The following RALGAPA2 variants were observed in gnomAD, a reference collection of about 807,000 sequenced individuals.
The protein encoded by RALGAPA2 is ral GTPase-activating protein subunit alpha-2.
Under a neutral mutation model 230.4 loss-of-function variants are expected in RALGAPA2, and 139 were observed. The ratio of observed to expected loss-of-function variants is 0.60; its 90% CI spans 0.53 to 0.69. RALGAPA2 has a LOEUF of 0.69. Ranked by LOEUF, RALGAPA2 falls within the 30% of genes least tolerant of loss-of-function variation. The pLI is 0.00. For missense variants in RALGAPA2, 2,163 were observed against 2,276.0 expected, an observed-to-expected ratio of 0.95 and a Z score of 1.01; for synonymous variants, 847 against 837.8, an observed-to-expected ratio of 1.01 and a Z score of -0.19.
chr20:20,428,323 G>A (rs984685499), intron 37 of RALGAPA2, among the ~76,000 whole-genome samples: 2 of 151,916 alleles, frequency 1.3e-5, no homozygotes, highest in Non-Finnish European at 2.9e-5. Context: ...TATCATCTTC[G>A]TGACTAAAAA....
At chr20:20,473,756 T>C (rs575371926) in intron 36 of RALGAPA2, among the ~76,000 whole-genome samples, 1 of 152,326 alleles carries the variant, frequency 6.6e-6, no homozygotes, top group South Asian at 2.1e-4. Flanking sequence ...CTCTCCTTTT[T>C]CCCCCATTAG....
intron 24 of RALGAPA2, among the ~76,000 whole-genome samples, chr20:20,537,374 C>T (rs1018134410): frequency 6.6e-6 from 1 of 151,992 alleles, no homozygotes; most frequent in Non-Finnish European, 1.5e-5. Flanking sequence ...AATCCCAGCA[C>T]TTTGGGAGGC....
intron 36 of RALGAPA2, among the ~76,000 whole-genome samples, chr20:20,489,173 T>G (rs2061987075): frequency 1.3e-5 from 2 of 152,188 alleles, no homozygotes; most frequent in South Asian, 4.1e-4. Context: ...CAAAGCTATT[T>G]TGATATCAGC....
At chr20:20,688,122 G>A (rs1040079414) in intron 1 of RALGAPA2, among the ~76,000 whole-genome samples, 2 of 152,024 alleles carry the variant, frequency 1.3e-5, no homozygotes, top group Non-Finnish European at 2.9e-5. Context: ...TGGCTTTAAT[G>A]GCCAATCAAC....
At chr20:20,551,784 G>A (rs1004948187) in intron 23 of RALGAPA2, among the ~76,000 whole-genome samples, 7 of 152,252 alleles carry the variant, frequency 4.6e-5, no homozygotes, top group African/African-American at 1.2e-4. Flanking sequence ...TGTTTCTTTC[G>A]TTCCCTTATA....
chr20:20,588,898 T>C (rs1221755881), intron 18 of RALGAPA2, among the ~76,000 whole-genome samples: 1 of 152,134 alleles, frequency 6.6e-6, no homozygotes, highest in Non-Finnish European at 1.5e-5. Flanking sequence ...AAACCTAACA[T>C]CTTTGTGAAT....
Position 20,677,629 on chromosome 20 carries a change from A to ATTTT in RALGAPA2, c.218-1345_218-1342dup, listed in dbSNP as rs758379115. Among the ~76,000 whole-genome samples the ATTTT allele has an allele frequency of 2.1e-3, 132 of 64,308 alleles. 13 individuals are homozygous for ATTTT. The highest frequency in any genetic ancestry group is 3.9e-3 in the African/African-American group (53 of 13,744). The allele number at this position is 64,308 out of a possible 152,430, so 42.2% of individuals were successfully genotyped here. A position where few individuals can be genotyped will look rare whatever the true frequency, so the allele number is the denominator to read the frequency against. On this transcript the variant is annotated intron_variant, in intron 2 of 39. Transcript: ENST00000202677. ...GCAGCCAAGAATCATGATTTGACCC[A>ATTTT]TTTTTTTTTTTTTTTTTTTTTTTTT...
At chr20:20,543,735 C>CG (rs1308849681) in intron 24 of RALGAPA2, among the ~76,000 whole-genome samples, 1 of 151,798 alleles carries the variant, frequency 6.6e-6, no homozygotes, top group African/African-American at 2.4e-5. Flanking sequence ...TGTCGTGGGG[C>CG]GGGGGGAGCG....
chr20:20,656,189 C>T (rs572168956), intron 3 of RALGAPA2, among the ~76,000 whole-genome samples: 5 of 152,184 alleles, frequency 3.3e-5, no homozygotes, highest in Admixed American at 3.3e-4. Context: ...GGGAGCTCTG[C>T]TAAGAAGGTA....
rs2147072164 is a variant in RALGAPA2 at position 20,712,606 on chromosome 20, C to CGCT, written c.-127_-126insAGC. On this transcript the variant is annotated 5_prime_UTR_variant, in exon 1 of 40. Coordinates refer to ENST00000202677, the MANE Select transcript of RALGAPA2 (RefSeq NM_020343.4). This position sits in a 1 kb window ranked among gnomAD's most constrained non-coding sequence, Gnocchi z 5.5. ...TCGCCGCCCCCAGCCCCGCTGCTGC[C>CGCT]GCCGCCGCCGCCGCCGCCGCCGCCT... is the stretch of plus-strand genomic sequence containing the variant. 12 of 1,089,116 alleles carry CGCT rather than the reference C, an allele frequency of 1.1e-5. No individual in the cohort carries two copies. The highest frequency in any genetic ancestry group is 3.5e-5 in the African/African-American group (2 of 56,412). 67.5% of individuals were successfully genotyped at this position (1,089,116 alleles called of 1,614,324 possible).
intron 13 of RALGAPA2, among the ~76,000 whole-genome samples, chr20:20,614,117 G>C (rs1401529053): frequency 6.6e-6 from 1 of 152,176 alleles, no homozygotes; most frequent in African/African-American, 2.4e-5. Flanking sequence ...GGAAAGGAGG[G>C]ATGGGAGGCA....
chr20:20,497,485 C>T (rs1391368783), intron 35 of RALGAPA2, among the ~76,000 whole-genome samples: 1 of 152,188 alleles, frequency 6.6e-6, no homozygotes, highest in Non-Finnish European at 1.5e-5. Flanking sequence ...TGGTATAATG[C>T]TTGCACAAAT....
At chr20:20,526,151 TTGGTTCTCTA>T in intron 28 of RALGAPA2, 91 bp downstream of exon 28, 1 of 926,686 alleles carries the variant, frequency 1.1e-6, no homozygotes, top group East Asian at 2.8e-5. Flanking sequence ...AATTTAATAG[TTGGTTCTCTA>T]ACAATTATTT....
intron 38 of RALGAPA2, among the ~76,000 whole-genome samples, chr20:20,399,630 G>A (rs1043277855): frequency 3.3e-5 from 5 of 152,206 alleles, no homozygotes; most frequent in Non-Finnish European, 4.4e-5. Context: ...TGACTTCTCC[G>A]ATACTCTGGA....
intron 24 of RALGAPA2, among the ~76,000 whole-genome samples, chr20:20,539,955 C>T (rs1206950638): frequency 6.6e-6 from 1 of 152,176 alleles, no homozygotes; most frequent in East Asian, 1.9e-4. Flanking sequence ...TTTTTAAAGG[C>T]TGAATAACAC....
At chr20:20,493,985 A>G (rs1168333852) in intron 36 of RALGAPA2, among the ~76,000 whole-genome samples, 2 of 152,196 alleles carry the variant, frequency 1.3e-5, no homozygotes, top group East Asian at 3.9e-4. Flanking sequence ...CAATGCATCT[A>G]TTCTGAGAAT....
intron 37 of RALGAPA2, among the ~76,000 whole-genome samples, chr20:20,445,002 C>A (rs922249093): frequency 6.6e-6 from 1 of 152,214 alleles, no homozygotes; most frequent in Non-Finnish European, 1.5e-5. Flanking sequence ...TCGAGTAACT[C>A]TTATTTTACT....
chr20:20,707,675 G>A (rs947510816), intron 1 of RALGAPA2, among the ~76,000 whole-genome samples: 2 of 152,044 alleles, frequency 1.3e-5, no homozygotes, highest in African/African-American at 4.8e-5. Flanking sequence ...TGTGAGAGAC[G>A]GTTCTCTACT....
chr20:20,672,072 C>G (rs931699833), intron 3 of RALGAPA2, among the ~76,000 whole-genome samples: 4 of 152,210 alleles, frequency 2.6e-5, no homozygotes, highest in Non-Finnish European at 5.9e-5. Context: ...AGGTGACTAT[C>G]CCCTCCAGCC....
Sources: allele counts gnomAD v4.1 joint callset (sites outside exome capture counted in the v4.1 genomes callset), GRCh38; gene constraint gnomAD v4.1.1; non-coding constraint Gnocchi (gnomAD v3.1); transcripts MANE v1.5; gene names NCBI Gene and HGNC (gene_info 2026-07-23, HGNC 2026-07-21).